PTPRD: variants seen among roughly 807,000 people sequenced by gnomAD.
The protein encoded by PTPRD is receptor-type tyrosine-protein phosphatase delta.
PTPRD carries 34 observed loss-of-function variants against 214.5 expected under a neutral mutation model. The ratio of observed to expected loss-of-function variants is 0.16; its 90% confidence interval spans 0.12 to 0.21. The LOEUF is 0.21. Among genes scored for constraint, PTPRD ranks in the 10% least tolerant of loss-of-function variants. The pLI, the probability that PTPRD is intolerant of heterozygous loss-of-function variation, is 1.00. For missense variants in PTPRD, 2,545 were observed against 2,398.7 expected, an observed-to-expected ratio of 1.06 and a Z score of -1.27; for synonymous variants, 1,128 against 845.7, an observed-to-expected ratio of 1.33 and a Z score of -5.79.
intron 35 of PTPRD, among the ~76,000 whole-genome samples, chr9:8,429,409 A>G (rs1590181213): frequency 6.6e-6 from 1 of 152,202 alleles, no homozygotes; most frequent in East Asian, 1.9e-4. Flanking sequence ...AGACAGCTCT[A>G]AATATTAAAA....
intron 2 of PTPRD, among the ~76,000 whole-genome samples, chr9:10,568,124 A>AG (rs2131817759): frequency 4.4e-5 from 1 of 22,824 alleles, no homozygotes; most frequent in Non-Finnish European, 9.2e-5. Context: ...CCCTCCCCCC[A>AG]GCCCACAACA....
chr9:8,342,054 T>A, intron 39 of PTPRD, 76 bp from the exon 40 acceptor site: 1 of 1,389,438 alleles, frequency 7.2e-7, no homozygotes, highest in East Asian at 2.5e-5. Flanking sequence ...ATTTTTATTA[T>A]TCTTATTAAC....
intron 10 of PTPRD, among the ~76,000 whole-genome samples, chr9:9,116,702 G>A (rs1173767077): frequency 6.6e-6 from 1 of 151,552 alleles, no homozygotes; most frequent in East Asian, 1.9e-4. Flanking sequence ...GGAAGGGAAA[G>A]AGATGGTTAT....
At position 9,774,682 on chromosome 9, in the gene PTPRD, T is replaced by C. The variant is rs183656340; in HGVS notation, c.-367-7831A>G. On this transcript the variant is annotated intron_variant, in intron 5 of 45. Transcript: ENST00000381196. ...TTGAAGGATCCATTATACTTTTAAA[T>C]GTGATGTAGGCATTCATATAGAAGC... is the stretch of plus-strand genomic sequence containing the variant. Among the ~76,000 whole-genome samples, 12 of 152,328 alleles carry C rather than the reference T, an allele frequency of 7.9e-5. No individual in the cohort carries two copies. The East Asian group carries it at 2.1e-3, about 27-fold the overall frequency.
chr9:8,958,201 G>A (rs1466274476), intron 11 of PTPRD, among the ~76,000 whole-genome samples: 2 of 151,866 alleles, frequency 1.3e-5, no homozygotes, highest in African/African-American at 2.4e-5. Context: ...AAGAAGTTAT[G>A]TATCTGGAGA....
At chr9:10,255,846 T>G (rs2093218848) in intron 3 of PTPRD, among the ~76,000 whole-genome samples, 2 of 152,180 alleles carry the variant, frequency 1.3e-5, no homozygotes, top group South Asian at 4.2e-4. Context: ...TTTGAAAAAC[T>G]AAGACACAAA....
At chr9:9,758,873 A>G (rs1285388148) in intron 6 of PTPRD, among the ~76,000 whole-genome samples, 1 of 152,036 alleles carries the variant, frequency 6.6e-6, no homozygotes, top group Admixed American at 6.6e-5. Flanking sequence ...AATAATCAAA[A>G]CTAATTCTTA....
At chr9:9,925,505 T>C (rs189978660) in intron 5 of PTPRD, among the ~76,000 whole-genome samples, 221 of 152,234 alleles carry the variant, frequency 1.5e-3, no homozygotes, top group African/African-American at 4.9e-3. Flanking sequence ...TAAAAGAATA[T>C]GTGCTTCACT....
intron 9 of PTPRD, among the ~76,000 whole-genome samples, chr9:9,339,271 A>G (rs1446601702): frequency 6.6e-6 from 1 of 151,714 alleles, no homozygotes; most frequent in Admixed American, 6.6e-5. Context: ...AGGTCAGGAG[A>G]TCGAGACCAT....
chr9:9,143,180 C>A (rs926325018), intron 10 of PTPRD, among the ~76,000 whole-genome samples: 49 of 152,268 alleles, frequency 3.2e-4, no homozygotes, highest in African/African-American at 1.1e-3. Flanking sequence ...GCTATTTGTT[C>A]ATCTCTGAGA....
intron 4 of PTPRD, among the ~76,000 whole-genome samples, chr9:9,947,948 G>C (rs1025708923): frequency 6.6e-6 from 1 of 151,720 alleles, no homozygotes; most frequent in African/African-American, 2.4e-5. Context: ...CATTTGTCTA[G>C]AAGTTATCTA....
intron 10 of PTPRD, among the ~76,000 whole-genome samples, chr9:9,076,816 C>T (rs1385956562): frequency 6.9e-6 from 1 of 145,722 alleles, no homozygotes; most frequent in African/African-American, 2.5e-5. Flanking sequence ...TGGTTATATA[C>T]CTAGCTGTGG....
At chr9:9,225,922 C>T (rs529924574) in intron 9 of PTPRD, among the ~76,000 whole-genome samples, 1 of 152,076 alleles carries the variant, frequency 6.6e-6, no homozygotes, top group South Asian at 2.1e-4. Flanking sequence ...ACCTCCTCTT[C>T]TTCACAAGCC....
At chr9:9,494,697 T>A (rs527472405) in intron 8 of PTPRD, among the ~76,000 whole-genome samples, 62 of 152,330 alleles carry the variant, frequency 4.1e-4, no homozygotes, top group Non-Finnish European at 8.2e-4. Context: ...TGCCTCATGT[T>A]AATGGATTGG....
chr9:9,175,820 G>A (rs1045365990), intron 10 of PTPRD, among the ~76,000 whole-genome samples: 1 of 151,964 alleles, frequency 6.6e-6, no homozygotes, highest in South Asian at 2.1e-4. Flanking sequence ...ACATCATTGA[G>A]TATTTGGAAA....
chr9:10,131,555 C>G (rs766596359), intron 3 of PTPRD, among the ~76,000 whole-genome samples: 10 of 152,220 alleles, frequency 6.6e-5, no homozygotes, highest in Admixed American at 2.0e-4. Context: ...AATCCCAAAT[C>G]CGTGACCAAC....
intron 14 of PTPRD, among the ~76,000 whole-genome samples, chr9:8,621,769 C>T (rs1366704852): frequency 6.6e-6 from 1 of 151,862 alleles, no homozygotes; most frequent in Non-Finnish European, 1.5e-5. Flanking sequence ...CCTGGAAATT[C>T]AGATCTATCA....
intron 7 of PTPRD, among the ~76,000 whole-genome samples, chr9:9,630,891 T>C (rs2095568997): frequency 6.6e-6 from 1 of 152,188 alleles, no homozygotes; most frequent in Non-Finnish European, 1.5e-5. Flanking sequence ...TAAATATTTG[T>C]CAATTAAAAC....
At chr9:8,516,187 G>C (rs1358164205) in intron 21 of PTPRD, among the ~76,000 whole-genome samples, 2 of 152,116 alleles carry the variant, frequency 1.3e-5, no homozygotes, top group African/African-American at 4.8e-5. Flanking sequence ...AGCAAAACAA[G>C]ATTTACGGAT....
Sources: allele counts gnomAD v4.1 joint callset (sites outside exome capture counted in the v4.1 genomes callset), GRCh38; gene constraint gnomAD v4.1.1; transcripts MANE v1.5; gene names NCBI Gene and HGNC (gene_info 2026-07-23, HGNC 2026-07-21).